Variants in SAMD3 observed in about 807,000 individuals in gnomAD.
SAMD3 encodes the protein sterile alpha motif domain containing 3.
In SAMD3, 63 loss-of-function variants were observed where a neutral mutation model predicts 58.5. The observed-to-expected ratio is 1.08, with a 90% confidence interval of 0.88 to 1.33. The LOEUF (loss-of-function observed/expected upper bound fraction) is 1.33, where lower values mean the gene tolerates loss of function less well. Ranked by LOEUF, SAMD3 falls within the 40% of genes most tolerant of loss-of-function variation. The pLI, the probability that SAMD3 is intolerant of heterozygous loss-of-function variation, is 0.00. For missense variants in SAMD3, 604 were observed against 608.4 expected (o/e 0.99, Z 0.08); for synonymous variants, 220 against 210.3 (o/e 1.05, Z -0.40).
rs562677949 is a variant in SAMD3, at chr6:130,194,937, A to G, written c.384-10314T>C. ...ATATGGAGGCTACCCACTGCACATT[A>G]CCTTCTTTTCAAGGGCCTGTTTCCC... On this transcript the variant is annotated intron_variant, in intron 5 of 11. Transcript: ENST00000439090. 1.0e-3 allele frequency among the ~76,000 whole-genome samples: 154 copies of G among 152,134 alleles called. 1 individual carries two copies. Among genetic ancestry groups the G allele is most frequent in the Middle Eastern group, 3.4e-3 (1 of 294 alleles).
intron 5 of SAMD3, among the ~76,000 whole-genome samples, chr6:130,185,313 CTTTTTTA>C (rs1792831447): frequency 6.6e-6 from 1 of 151,990 alleles, no homozygotes; most frequent in East Asian, 1.9e-4. Context: ...GAGCTATTCA[CTTTTTTA>C]TTTTTTATTT....
At chr6:130,213,033 A>G (rs866026357) in intron 4 of SAMD3, among the ~76,000 whole-genome samples, 46 of 152,230 alleles carry the variant, frequency 3.0e-4, no homozygotes, top group African/African-American at 1.0e-3. Context: ...CTGTAATCCC[A>G]GCGCTTTAGG....
At position 130,296,998 on chromosome 6, in the gene SAMD3, C is replaced by A. The variant is rs768155204; in HGVS notation, c.-188+15980G>T. ...TCTTCCTACCACCCATCCTTCAGGG[C>A]AGGTGCTTCCACTCATCATCAGTCC... is the stretch of plus-strand genomic sequence containing the variant. On this transcript the variant is annotated intron_variant, in intron 2 of 13. Transcript: ENST00000368134. Among the ~76,000 whole-genome samples, 10 of 152,198 alleles carry A rather than the reference C, an allele frequency of 6.6e-5. No individual in the cohort carries two copies. The South Asian group carries it at 1.9e-3, about 28-fold the overall frequency.
chr6:130,184,094 G>T lies in SAMD3; in HGVS notation c.654+9C>A. 2 of 1,610,340 alleles carry T rather than the reference G, an allele frequency of 1.2e-6. No individual in the cohort carries two copies. Among genetic ancestry groups the T allele is most frequent in the Non-Finnish European group, 1.7e-6 (2 of 1,176,632 alleles). On this transcript the variant is annotated intron_variant, in intron 7 of 11. Coordinates refer to ENST00000439090, the MANE Select transcript of SAMD3 (RefSeq NM_001017373.4). ...GAAATTAACAGGATGGTGCCATGTG[G>T]TCACTTACGAAGCCACAGCCATCCT... is the stretch of plus-strand genomic sequence containing the variant.
At chr6:130,183,983 TGAGAGA>T in intron 7 of SAMD3, 114 bp downstream of exon 7, 4 of 701,468 alleles carry the variant, frequency 5.7e-6, no homozygotes, top group Non-Finnish European at 7.5e-6. Flanking sequence ...ATAGACAGAA[TGAGAGA>T]GAGAGAGAGA....
At chr6:130,262,582 T>C (rs781281983) in intron 2 of SAMD3, among the ~76,000 whole-genome samples, 52 of 134,398 alleles carry the variant, frequency 3.9e-4, no homozygotes, top group Admixed American at 6.4e-4. Context: ...TCCCAGGTAA[T>C]TGAAAAAAAA....
chr6:130,279,532 CA>C (rs1774909485), intron 2 of SAMD3, among the ~76,000 whole-genome samples: 1 of 139,066 alleles, frequency 7.2e-6, no homozygotes, highest in Admixed American at 7.6e-5. Flanking sequence ...TCTTGTTGCT[CA>C]GGCTGGAGTG....
chr6:130,216,404 A>C (rs1489500348), intron 2 of SAMD3, among the ~76,000 whole-genome samples, 167 bp downstream of exon 2: 1 of 152,234 alleles, frequency 6.6e-6, no homozygotes, highest in East Asian at 1.9e-4. Flanking sequence ...CTCTTGGAGA[A>C]ATGGAATCAT....
Position 130,229,240 on chromosome 6 carries a change from A to G in SAMD3, c.-187-6427T>C, listed in dbSNP as rs181129659. Among the ~76,000 whole-genome samples the G allele has an allele frequency of 8.0e-4, 122 of 152,324 alleles. 1 individual carries two copies. Among genetic ancestry groups the G allele is most frequent in the Admixed American group, 1.7e-3 (26 of 15,302 alleles). On this transcript the variant is annotated intron_variant, in intron 2 of 13. Transcript: ENST00000368134. Reference sequence around the variant, plus strand: ...CTCTGGTCCTGAGGACTGTGTTGACAGGGACAGTGGATATTTTGATAGAAA... The same window carrying G: ...CTCTGGTCCTGAGGACTGTGTTGACGGGGACAGTGGATATTTTGATAGAAA...
chr6:130,177,927 T>C (rs1447563128), intron 7 of SAMD3, among the ~76,000 whole-genome samples: 1 of 152,108 alleles, frequency 6.6e-6, no homozygotes, highest in Non-Finnish European at 1.5e-5. Flanking sequence ...ACTCTGAGTC[T>C]TGGCAGTGCT....
chr6:130,175,451 T>G (rs946112166), intron 8 of SAMD3, among the ~76,000 whole-genome samples: 1 of 152,132 alleles, frequency 6.6e-6, no homozygotes, highest in Non-Finnish European at 1.5e-5. Context: ...CCCTGAAACC[T>G]GGAGACCAGA....
intron 2 of SAMD3, among the ~76,000 whole-genome samples, chr6:130,297,542 G>A (rs1775610271): frequency 6.6e-6 from 1 of 152,030 alleles, no homozygotes; most frequent in Non-Finnish European, 1.5e-5. Flanking sequence ...TAATCAAATT[G>A]AAAAGTTTGA....
rs750964121 is a variant in SAMD3 at position 130,182,224 on chromosome 6, GTAT to G, written c.654+1876_654+1878del. On this transcript the variant is annotated intron_variant, in intron 7 of 11. Coordinates refer to ENST00000439090, the MANE Select transcript of SAMD3 (RefSeq NM_001017373.4). The stretch of plus-strand genomic sequence containing the variant: ...AATGTTGGGATGCCAGGTTTGTGTA[GTAT>G]TGTTGTTGTTGCCTTGTTTTTTTTC... Among the ~76,000 whole-genome samples, 20 of 151,710 alleles carry G rather than the reference GTAT, an allele frequency of 1.3e-4. 1 individual carries two copies. Among genetic ancestry groups the G allele is most frequent in the Admixed American group, 3.3e-4 (5 of 15,242 alleles).
rs1390250881 is a variant in SAMD3, at chr6:130,145,340, C to G, written c.1278G>C (p.Gln426His). Residue 426 changes from glutamine to histidine, a missense_variant and splice_region_variant, in exon 11 of 12, where the codon CAG (glutamine) becomes CAC (histidine). Gln to His is a conservative substitution (Grantham distance 24). Coordinates refer to ENST00000439090, the MANE Select transcript of SAMD3 (RefSeq NM_001017373.4). Reference sequence around the variant, plus strand: ...TAGTGGCCATTCACATACTACATACCTGTTCATTCATGATGACAAAAAGGC... The same window carrying G: ...TAGTGGCCATTCACATACTACATACGTGTTCATTCATGATGACAAAAAGGC... ...DPSLFVIMNE[Q>H]VQVSTPVLEV... The G allele has an allele frequency of 1.9e-6, 3 of 1,588,516 alleles. No individual in the cohort carries two copies. Among genetic ancestry groups the G allele is most frequent in the Non-Finnish European group, 2.6e-6 (3 of 1,158,370 alleles).
intron 1 of SAMD3, among the ~76,000 whole-genome samples, chr6:130,314,151 G>A (rs2114992101): frequency 6.6e-6 from 1 of 152,274 alleles, no homozygotes; most frequent in Admixed American, 6.5e-5. Context: ...CTGGAGAGGT[G>A]TTATTAATGG....
intron 1 of SAMD3, among the ~76,000 whole-genome samples, chr6:130,327,912 T>G (rs1562524680): frequency 6.6e-6 from 1 of 152,160 alleles, no homozygotes; most frequent in Non-Finnish European, 1.5e-5. Flanking sequence ...TTAAAAAGCA[T>G]TTTTTCAAAC....
chr6:130,174,322 T>A (rs1327925723), intron 8 of SAMD3, among the ~76,000 whole-genome samples: 1 of 152,116 alleles, frequency 6.6e-6, no homozygotes, highest in Admixed American at 6.5e-5. Context: ...TACGAGGCAA[T>A]CTCCTGATCT....
chr6:130,316,137 A>G (rs139439684), intron 1 of SAMD3, among the ~76,000 whole-genome samples: 3,837 of 152,160 alleles, frequency 0.025, 68 homozygotes, highest in Non-Finnish European at 0.04. Context: ...CTAAAAATAC[A>G]AAAATTAGCC....
intron 5 of SAMD3, among the ~76,000 whole-genome samples, chr6:130,195,515 A>G (rs1297085875): frequency 1.1e-4 from 17 of 152,032 alleles, no homozygotes; most frequent in Admixed American, 7.2e-4. Context: ...TATCCACCCC[A>G]TGGTGCCGAA....
Sources: gnomAD v4.1 joint callset for allele counts (sites outside exome capture counted in the v4.1 genomes callset) on GRCh38, gnomAD v4.1.1 for gene constraint, MANE v1.5 for transcripts, NCBI Gene and HGNC (gene_info 2026-07-23, HGNC 2026-07-21) for gene names.